MRTFA: variants seen among roughly 807,000 people sequenced by gnomAD.
The protein encoded by MRTFA is myocardin related transcription factor A.
MRTFA carries 20 observed loss-of-function variants against 83.5 expected under a neutral mutation model. The ratio of observed to expected loss-of-function variants is 0.24; its 90% CI spans 0.17 to 0.35. The LOEUF (loss-of-function observed/expected upper bound fraction) is 0.35, where lower values mean the gene tolerates loss of function less well. Ranked by LOEUF, MRTFA falls within the 10% of genes least tolerant of loss-of-function variation. The pLI, the probability that MRTFA is intolerant of heterozygous loss-of-function variation, is 1.00. For missense variants in MRTFA, 1,200 were observed against 1,224.7 expected (o/e 0.98, Z 0.30); for synonymous variants, 659 against 541.2 (o/e 1.22, Z -3.02).
rs1030942039 is a variant in MRTFA at position 40,547,165 on chromosome 22, T to TATAAA, written c.241+4936_241+4940dup. Among the ~76,000 whole-genome samples the TATAAA allele has an allele frequency of 5.9e-5, 9 of 151,494 alleles. No individual in the cohort carries two copies. In the South Asian group the frequency reaches 8.3e-4, roughly 14 times the overall value. On this transcript the variant is annotated intron_variant, in intron 3 of 14. Coordinates refer to ENST00000355630, the MANE Select transcript of MRTFA (RefSeq NM_020831.6). ...GTGAGACTCCATCTCAAAAAATATA[T>TATAAA]ATAAAATAAAATAAAATAAATAAAT...
chr22:40,412,335 G>A (rs1423630348), intron 14 of MRTFA: 1 of 153,066 alleles, frequency 6.5e-6, no homozygotes, highest in African/African-American at 2.4e-5. Context: ...AAGTATTGGT[G>A]AGGATACAGA....
chr22:40,538,893 T>C (rs2055235647), intron 3 of MRTFA, among the ~76,000 whole-genome samples: 1 of 151,662 alleles, frequency 6.6e-6, no homozygotes, highest in South Asian at 2.1e-4. Context: ...GGTTTGCTTC[T>C]AATCCTAACT....
intron 3 of MRTFA, among the ~76,000 whole-genome samples, chr22:40,498,252 C>CATATATATATATAT (rs200779719): frequency 4.4e-4 from 34 of 77,540 alleles, no homozygotes; most frequent in African/African-American, 1.7e-3. Flanking sequence ...GTACACACTT[C>CATATATATATATAT]ATATATATAT....
intron 2 of MRTFA, among the ~76,000 whole-genome samples, chr22:40,553,698 G>A (rs2055477874): frequency 6.6e-6 from 1 of 152,204 alleles, no homozygotes; most frequent in East Asian, 1.9e-4. Context: ...CAGTATGGAA[G>A]GCAAATGTGG....
chr22:40,470,281 A>ATATATATATATATATATAT (rs57079888), intron 3 of MRTFA, among the ~76,000 whole-genome samples: 1 of 123,070 alleles, frequency 8.1e-6, no homozygotes, highest in Admixed American at 8.5e-5. Context: ...ATATATATAT[A>ATATATATATATATATATAT]AAGAAACATA....
At chr22:40,594,635 G>A (rs1569344254) in intron 2 of MRTFA, 39 bp downstream of exon 2, 1 of 152,094 alleles carries the variant, frequency 6.6e-6, no homozygotes, top group Non-Finnish European at 1.5e-5. Flanking sequence ...ACCACATTAG[G>A]AAAGGAGGGA....
At position 40,636,494 on chromosome 22, in the gene MRTFA, C is replaced by G. The variant is rs1281251917; in HGVS notation, c.-100G>C. ...CTCACTCACCGCCTCGCGCGGCTCC[C>G]GGCCGGGTTCCGCGGCTCGCCCCAC... is the stretch of plus-strand genomic sequence containing the variant. On this transcript the variant is annotated 5_prime_UTR_variant, in exon 1 of 15. Transcript: ENST00000355630. 6.6e-6 allele frequency: 1 copy of G among 152,400 alleles called. No homozygotes were observed. The highest frequency in any genetic ancestry group is 1.5e-5 in the Non-Finnish European group (1 of 68,190). The allele number at this position is 152,400 out of a possible 1,614,324, so 9.4% of individuals were successfully genotyped here.
At chr22:40,582,665 T>TACACACACAC (rs3044561) in intron 2 of MRTFA, among the ~76,000 whole-genome samples, 3 of 143,026 alleles carry the variant, frequency 2.1e-5, no homozygotes, top group African/African-American at 7.6e-5. Flanking sequence ...TATACACACA[T>TACACACACAC]ACACACACAC....
At chr22:40,582,281 T>A (rs533630558) in intron 2 of MRTFA, among the ~76,000 whole-genome samples, 9 of 152,268 alleles carry the variant, frequency 5.9e-5, no homozygotes, top group Non-Finnish European at 1.2e-4. Context: ...AATATTCAAC[T>A]GTATAGATAT....
intron 3 of MRTFA, among the ~76,000 whole-genome samples, chr22:40,512,528 A>C (rs988079272): frequency 7.9e-5 from 12 of 152,246 alleles, no homozygotes; most frequent in African/African-American, 2.9e-4. Flanking sequence ...CAAGTGGAAG[A>C]AAGGATCATC....
intron 3 of MRTFA, among the ~76,000 whole-genome samples, chr22:40,497,625 C>T (rs372290707): frequency 1.6e-4 from 24 of 152,120 alleles, no homozygotes; most frequent in African/African-American, 5.5e-4. Context: ...TGATAGTGCA[C>T]GCCTATAATC....
Position 40,420,979 on chromosome 22 carries a change from C to T in MRTFA, c.1049G>A (p.Arg350Lys). Residue 350 changes from arginine to lysine, a missense_variant, in exon 10 of 15, where the codon AGG becomes AAG. Arg to Lys is a conservative substitution (Grantham distance 26). Around this residue, in one of 2 missense-constraint regions of MRTFA, gnomAD observed 1,107 missense variants for 1,041.8 expected, o/e 1.06. Transcript: ENST00000355630. ...GGATGAGTCCATGGGGGGTGCCCCC[C>T]TGTCCTGCTTCTGGTCCGGGGGGAT... The T allele has an allele frequency of 6.2e-7, 1 of 1,611,022 alleles. No individual in the cohort carries two copies. Among genetic ancestry groups the T allele is most frequent in the East Asian group, 2.2e-5 (1 of 44,800 alleles).
At chr22:40,448,588 T>TTGGAA (rs2147123967) in intron 4 of MRTFA, among the ~76,000 whole-genome samples, 1 of 152,334 alleles carries the variant, frequency 6.6e-6, no homozygotes, top group South Asian at 2.1e-4. Context: ...AGCTATTCCT[T>TTGGAA]TGGAAATAAA....
At chr22:40,429,802 T>C (rs201853659) in intron 6 of MRTFA, 35 bp from the exon 7 acceptor site, 128 of 1,573,940 alleles carry the variant, frequency 8.1e-5, no homozygotes, top group Non-Finnish European at 1.0e-4. Flanking sequence ...CAGGAAGATA[T>C]ATGAGTGGAC....
chr22:40,582,241 T>C lies in MRTFA; in HGVS notation c.-22+12433A>G, dbSNP rs560109610. On this transcript the variant is annotated intron_variant, in intron 2 of 14. Transcript: ENST00000355630. ...AGGTTTATCCATGTTGAAGCATGTA[T>C]TGGTACACCATTCCTTTTCATTGCC... Among the ~76,000 whole-genome samples, 6 of 152,344 alleles carry C rather than the reference T, an allele frequency of 3.9e-5. No individual in the cohort carries two copies. In the South Asian group the frequency reaches 1.2e-3, roughly 32 times the overall value.
At chr22:40,633,856 T>G (rs2056666284) in intron 1 of MRTFA, among the ~76,000 whole-genome samples, 1 of 152,186 alleles carries the variant, frequency 6.6e-6, no homozygotes, top group South Asian at 2.1e-4. Context: ...TCTTTCATAT[T>G]TACCTCTACA....
intron 7 of MRTFA, chr22:40,429,235 C>T (rs1395581743): frequency 3.4e-6 from 2 of 594,780 alleles, no homozygotes; most frequent in African/African-American, 1.9e-5. Context: ...AGAGACTTCA[C>T]TAATAAAGAG....
intron 3 of MRTFA, among the ~76,000 whole-genome samples, chr22:40,546,157 C>G (rs1287518993): frequency 1.3e-5 from 2 of 152,244 alleles, no homozygotes; most frequent in Non-Finnish European, 2.9e-5. Flanking sequence ...AGAATTTATT[C>G]TGTTCTAGAA....
intron 1 of MRTFA, among the ~76,000 whole-genome samples, chr22:40,595,403 G>A (rs1329047429): frequency 6.6e-6 from 1 of 152,014 alleles, no homozygotes; most frequent in African/African-American, 2.4e-5. Flanking sequence ...TTACAGGTGT[G>A]AGCCACCGCG....
Sources: allele counts gnomAD v4.1 joint callset (sites outside exome capture counted in the v4.1 genomes callset), GRCh38; gene constraint gnomAD v4.1.1; regional missense constraint gnomAD v4.1.1; transcripts MANE v1.5; gene names NCBI Gene and HGNC (gene_info 2026-07-23, HGNC 2026-07-21).